Variants in PTOV1 observed in about 807,000 individuals in gnomAD.
PTOV1 encodes the protein PTOV1 extended AT-hook containing adaptor protein, also known as prostate tumor-overexpressed gene 1 protein.
Under a neutral mutation model 58.0 loss-of-function variants are expected in PTOV1, and 20 were observed. That is an observed-to-expected ratio of 0.34 (90% CI 0.24 to 0.50). PTOV1 has a LOEUF of 0.50. Ranked by LOEUF, PTOV1 falls within the 20% of genes least tolerant of loss-of-function variation. The pLI, the probability that PTOV1 is intolerant of heterozygous loss-of-function variation, is 0.98. For synonymous variants in PTOV1, 335 were observed against 234.2 expected (o/e 1.43, Z -3.93); for missense variants, 593 against 565.4 (o/e 1.05, Z -0.50).
chr19:49,858,169 C>T lies in PTOV1; in HGVS notation c.936+55C>T, dbSNP rs560804629. On this transcript the variant is annotated intron_variant, in intron 9 of 11. Transcript: ENST00000391842. ...TGCACGCAGTAGCTCTTCCAGAGGGCGGGGCTGGGGGCAAGAGCGCCTCCC... is the reference window on the plus strand; with the variant it reads ...TGCACGCAGTAGCTCTTCCAGAGGGTGGGGCTGGGGGCAAGAGCGCCTCCC... 39 of 1,586,626 alleles carry T rather than the reference C, an allele frequency of 2.5e-5. No homozygotes were observed. In the South Asian group the frequency reaches 3.0e-4, roughly 12 times the overall value.
chr19:49,854,329 C>T, intron 1 of PTOV1, 77 bp from the exon 2 acceptor site: 1 of 1,545,148 alleles, frequency 6.5e-7, no homozygotes, highest in Admixed American at 1.8e-5. Context: ...GGGACGTCCC[C>T]TCTGGGGTGT....
chr19:49,858,862 G>A lies in PTOV1; in HGVS notation c.1041+209G>A. The A allele has an allele frequency of 7.5e-6, 4 of 536,786 alleles. No homozygotes were observed. In the South Asian group the frequency reaches 1.0e-4, roughly 13 times the overall value. The allele number at this position is 536,786 out of a possible 1,614,324, so 33.3% of individuals were successfully genotyped here. A position where few individuals can be genotyped will look rare whatever the true frequency, so the allele number is the denominator to read the frequency against. On this transcript the variant is annotated intron_variant, in intron 10 of 11. Transcript: ENST00000391842. Reference sequence around the variant, plus strand: ...ACTGACCCTGGTTCTGCGGGGGCCTGCTCCTCCTCTGCCACATCAGGGCTG... The same window carrying A: ...ACTGACCCTGGTTCTGCGGGGGCCTACTCCTCCTCTGCCACATCAGGGCTG...
chr19:49,858,729 T>A (rs1457162934), intron 10 of PTOV1, 76 bp downstream of exon 10: 2 of 1,254,484 alleles, frequency 1.6e-6, no homozygotes, highest in Non-Finnish European at 2.3e-6. Context: ...GGGGCGGACA[T>A]GGGAGAGGAA....
At chr19:49,855,207 G>C in intron 5 of PTOV1, 130 bp downstream of exon 5, 1 of 842,296 alleles carries the variant, frequency 1.2e-6, no homozygotes, top group South Asian at 1.6e-5. Context: ...TGGCCTCTCG[G>C]ACCCCATCTG....
At chr19:49,853,831 A>G (rs1200798600) in intron 1 of PTOV1, among the ~76,000 whole-genome samples, 1 of 151,914 alleles carries the variant, frequency 6.6e-6, no homozygotes, top group African/African-American at 2.4e-5. Context: ...GTTTCTTGTC[A>G]TCTCCTTCCT....
exon 4 of PTOV1, chr19:49,854,884 T>C (rs746404193): frequency 6.2e-7 from 1 of 1,612,580 alleles, no homozygotes; most frequent in Non-Finnish European, 8.5e-7. Flanking sequence ...CCTCAGCAGC[T>C]GCTGGTGAGA....
At chr19:49,853,173 A>G (rs1281335708) in intron 1 of PTOV1, 1 of 152,262 alleles carries the variant, frequency 6.6e-6, no homozygotes, top group African/African-American at 2.4e-5. Flanking sequence ...CTGGAAGGAA[A>G]GATCTCCTTG....
At chr19:49,855,845 A>C (rs2074438738) in intron 5 of PTOV1, among the ~76,000 whole-genome samples, 1 of 152,008 alleles carries the variant, frequency 6.6e-6, no homozygotes, top group Non-Finnish European at 1.5e-5. Flanking sequence ...GTGCTGGGTG[A>C]ACCCAGCTGG....
intron 6 of PTOV1, 105 bp from the exon 7 acceptor site, chr19:49,857,588 G>T (rs549463052): frequency 2.3e-5 from 25 of 1,067,212 alleles, no homozygotes; most frequent in South Asian, 1.1e-4. Context: ...ACCCAGCTGG[G>T]GCTAACAGGC....
chr19:49,850,830 C>G, upstream of PTOV1: 1 of 1,533,722 alleles, frequency 6.5e-7, no homozygotes, highest in Non-Finnish European at 8.7e-7. Flanking sequence ...CTCCCCTCTT[C>G]CCTGATGTAT....
At chr19:49,858,818 C>A in intron 10 of PTOV1, 165 bp downstream of exon 10, 1 of 618,256 alleles carries the variant, frequency 1.6e-6, no homozygotes, top group Non-Finnish European at 2.9e-6. Flanking sequence ...TGTGCTGTCC[C>A]CACGGCACTG....
chr19:49,855,214 T>G (rs1438175579), intron 5 of PTOV1, 137 bp downstream of exon 5: 1 of 794,362 alleles, frequency 1.3e-6, no homozygotes, highest in East Asian at 2.7e-5. Context: ...TCGGACCCCA[T>G]CTGGAAATGA....
chr19:49,857,360 CCA>C (rs2074519535), intron 6 of PTOV1: 4 of 646,524 alleles, frequency 6.2e-6, no homozygotes, highest in Non-Finnish European at 1.1e-5. Flanking sequence ...GGCAGGGAAG[CCA>C]GCGGAGCGGG....
exon 10 of PTOV1, chr19:49,858,570 C>T (rs775515238): frequency 1.9e-6 from 3 of 1,603,214 alleles, no homozygotes; most frequent in Admixed American, 1.7e-5. Flanking sequence ...GCCGCTGTTC[C>T]GGAACTCGCG....
At position 49,854,247 on chromosome 19, in the gene PTOV1, G is replaced by T. The variant is rs576846748; in HGVS notation, c.172-159G>T. The stretch of plus-strand genomic sequence containing the variant: ...AGGACATGAGGACCAGCGTGTGGGG[G>T]TCCTGAGGGGTGAGCAGAGGGTTTG... On this transcript the variant is annotated intron_variant, in intron 1 of 11. Transcript: ENST00000391842. 1.1e-4 allele frequency among the ~76,000 whole-genome samples: 16 copies of T among 152,298 alleles called. 1 individual carries two copies. The South Asian group carries it at 3.3e-3, about 32-fold the overall frequency.
chr19:49,859,848 C>A, intron 10 of PTOV1, 138 bp from the exon 11 acceptor site: 1 of 930,214 alleles, frequency 1.1e-6, no homozygotes, highest in South Asian at 1.5e-5. Context: ...GGGGGCCCAC[C>A]TCCAGGGTGG....
At chr19:49,857,665 C>T (rs1339798770) in intron 6 of PTOV1, 28 bp from the exon 7 acceptor site, 3 of 1,606,674 alleles carry the variant, frequency 1.9e-6, no homozygotes, top group South Asian at 1.1e-5. Flanking sequence ...GCCTGGGCCC[C>T]TCTTCCCACC....
intron 10 of PTOV1, 136 bp downstream of exon 10, chr19:49,858,789 G>T (rs766143460): frequency 1.7e-5 from 13 of 746,386 alleles, no homozygotes; most frequent in Non-Finnish European, 2.9e-5. Flanking sequence ...GCTAGTGTGG[G>T]CGTGACTTCT....
chr19:49,857,170 G>T (rs1441303237), intron 6 of PTOV1, 40 bp downstream of exon 6: 2 of 1,608,730 alleles, frequency 1.2e-6, no homozygotes, highest in Admixed American at 1.7e-5. Context: ...GACAGAGGGG[G>T]ATTAGACCCC....
Sources: allele counts gnomAD v4.1 joint callset (sites outside exome capture counted in the v4.1 genomes callset), GRCh38; gene constraint gnomAD v4.1.1; transcripts MANE v1.5; gene names NCBI Gene and HGNC (gene_info 2026-07-23, HGNC 2026-07-21).